Variants in ATRN observed in about 807,000 individuals in gnomAD.
ATRN encodes attractin-2.
Under a neutral mutation model 178.7 loss-of-function variants are expected in ATRN, and 54 were observed. The ratio of observed to expected loss-of-function variants is 0.30; its 90% CI spans 0.24 to 0.38. The LOEUF (loss-of-function observed/expected upper bound fraction) is 0.38. Ranked by LOEUF, ATRN falls within the 10% of genes least tolerant of loss-of-function variation. The probability of loss-of-function intolerance (pLI) is 1.00; values close to 1 mark genes in which losing one functional copy is unlikely to be tolerated. For missense variants in ATRN, 1,443 were observed against 1,815.1 expected, an observed-to-expected ratio of 0.79 and a Z score of 3.73; for synonymous variants, 636 against 663.0, an observed-to-expected ratio of 0.96 and a Z score of 0.63.
chr20:3,533,098 G>A (rs952476778), intron 1 of ATRN, among the ~76,000 whole-genome samples: 10 of 152,184 alleles, frequency 6.6e-5, no homozygotes, highest in African/African-American at 2.4e-4. Flanking sequence ...GGCTGCCATG[G>A]GAAGGGCATG....
intron 12 of ATRN, among the ~76,000 whole-genome samples, chr20:3,573,710 C>A (rs1050365051): frequency 6.6e-6 from 1 of 152,074 alleles, no homozygotes; most frequent in African/African-American, 2.4e-5. Flanking sequence ...GAGCACAATG[C>A]GGTACAGTGA....
intron 24 of ATRN, among the ~76,000 whole-genome samples, chr20:3,604,893 G>C (rs939387408): frequency 2.0e-5 from 3 of 152,098 alleles, no homozygotes; most frequent in Admixed American, 2.0e-4. Context: ...GTTCCCAGGG[G>C]GCCAGTGTAC....
intron 28 of ATRN, among the ~76,000 whole-genome samples, chr20:3,644,475 C>T (rs1001908966): frequency 1.8e-4 from 28 of 152,182 alleles, no homozygotes; most frequent in Non-Finnish European, 1.5e-4. Context: ...CCTGGGGGGA[C>T]GTCCCGGGAC....
chr20:3,559,569 T>C (rs1190380589), intron 7 of ATRN, 86 bp downstream of exon 7: 2 of 1,135,334 alleles, frequency 1.8e-6, no homozygotes, highest in Non-Finnish European at 2.6e-6. Context: ...GCTACCTCAG[T>C]GTTGGTTTTT....
Position 3,607,597 on chromosome 20 carries a change from C to T in ATRN, c.3801+3335C>T, listed in dbSNP as rs57372904. 3.3e-3 allele frequency among the ~76,000 whole-genome samples: 499 copies of T among 152,314 alleles called. 1 individual carries two copies. The highest frequency in any genetic ancestry group is 0.011 in the African/African-American group (471 of 41,570). On this transcript the variant is annotated intron_variant, in intron 24 of 28. Coordinates refer to ENST00000262919, the MANE Select transcript of ATRN (RefSeq NM_139321.3). ...ATAATATTTCATTGTATAATATATA[C>T]AACATTTTATTTGTCCATTCATTTG...
At chr20:3,555,302 C>T (rs1366036567) in intron 6 of ATRN, among the ~76,000 whole-genome samples, 1 of 151,796 alleles carries the variant, frequency 6.6e-6, no homozygotes, top group Non-Finnish European at 1.5e-5. Context: ...CGCGCCCGGC[C>T]GACCTGACCT....
rs547787155 is a variant in ATRN, at chr20:3,638,804, T to A, written c.3943-24T>A. On this transcript the variant is annotated intron_variant, in intron 26 of 28. Transcript: ENST00000262919. This position sits in a 1 kb window ranked among gnomAD's most constrained non-coding sequence, Gnocchi z 4.5. ...ACCCCTTCAGTACTCATTCCATTAA[T>A]GGCTTTGCCATATTATTTATCAGCA... The A allele has an allele frequency of 6.2e-7, 1 of 1,607,276 alleles. No homozygotes were observed. The highest frequency in any genetic ancestry group is 1.7e-5 in the Admixed American group (1 of 59,982).
At chr20:3,531,126 TG>T (rs1292492881) in intron 1 of ATRN, among the ~76,000 whole-genome samples, 1 of 152,218 alleles carries the variant, frequency 6.6e-6, no homozygotes, top group African/African-American at 2.4e-5. Flanking sequence ...AATTTTAGGT[TG>T]ATATTCCTGG....
intron 18 of ATRN, among the ~76,000 whole-genome samples, chr20:3,585,505 C>T (rs984995062): frequency 2.6e-5 from 4 of 152,186 alleles, no homozygotes; most frequent in African/African-American, 9.7e-5. Context: ...TTTTTGTCTA[C>T]TAAACTGGAT....
At chr20:3,498,620 C>T (rs2084913374) in intron 1 of ATRN, among the ~76,000 whole-genome samples, 1 of 152,230 alleles carries the variant, frequency 6.6e-6, no homozygotes, top group South Asian at 2.1e-4. Context: ...AGGCCTTTGA[C>T]AAAATTCAAC....
intron 1 of ATRN, among the ~76,000 whole-genome samples, chr20:3,522,064 A>G (rs1372567944): frequency 6.6e-6 from 1 of 152,138 alleles, no homozygotes; most frequent in Non-Finnish European, 1.5e-5. Flanking sequence ...TGCTAGGGTT[A>G]TAGACGTGAG....
chr20:3,630,916 CTT>C (rs368394749), intron 25 of ATRN, among the ~76,000 whole-genome samples: 4 of 43,456 alleles, frequency 9.2e-5, no homozygotes, highest in African/African-American at 3.9e-4. Context: ...ATTTATTTAG[CTT>C]TTTTTTTTTT....
chr20:3,484,909 A>AATTATTATT lies in ATRN; in HGVS notation c.410+13423_410+13431dup, dbSNP rs11470490. Among the ~76,000 whole-genome samples the AATTATTATT allele has an allele frequency of 5.7e-3, 814 of 143,960 alleles. 9 individuals carry two copies. Among genetic ancestry groups the AATTATTATT allele is most frequent in the African/African-American group, 0.013 (518 of 39,168 alleles). The allele number at this position is 143,960 out of a possible 152,430, so 94.4% of individuals were successfully genotyped here. On this transcript the variant is annotated intron_variant, in intron 1 of 28. Coordinates refer to ENST00000262919, the MANE Select transcript of ATRN (RefSeq NM_139321.3). ...TATAGTACCTAGGAATGGATTTTAA[A>AATTATTATT]ATTATTATTATTATTATTATTATTA...
intron 10 of ATRN, among the ~76,000 whole-genome samples, chr20:3,564,183 GC>G (rs2085996306): frequency 6.6e-6 from 1 of 152,164 alleles, no homozygotes; most frequent in African/African-American, 2.4e-5. Flanking sequence ...ATAACTTAAA[GC>G]CCTTAGCCTC....
intron 1 of ATRN, among the ~76,000 whole-genome samples, chr20:3,532,489 C>G (rs778022954): frequency 7.2e-5 from 11 of 152,170 alleles, no homozygotes; most frequent in Non-Finnish European, 1.3e-4. Context: ...TGTAGTACTT[C>G]CAGCTGTAAA....
intron 1 of ATRN, among the ~76,000 whole-genome samples, chr20:3,514,564 C>T (rs969247712): frequency 2.2e-4 from 33 of 152,214 alleles, no homozygotes; most frequent in African/African-American, 5.8e-4. Context: ...CAGTATCATT[C>T]GCAACATTTA....
At chr20:3,571,510 G>A (rs2086122562) in intron 11 of ATRN, among the ~76,000 whole-genome samples, 1 of 150,904 alleles carries the variant, frequency 6.6e-6, no homozygotes, top group Non-Finnish European at 1.5e-5. Context: ...GTGTGTGAGA[G>A]TGCCTTTTGC....
chr20:3,519,006 TA>T (rs577864057), intron 1 of ATRN, among the ~76,000 whole-genome samples: 2,894 of 119,326 alleles, frequency 0.024, 72 homozygotes, highest in Non-Finnish European at 0.037. Context: ...TCCTTATATA[TA>T]AAAAAAAAAA....
At chr20:3,542,801 A>T (rs972365475) in intron 3 of ATRN, among the ~76,000 whole-genome samples, 8 of 130,492 alleles carry the variant, frequency 6.1e-5, no homozygotes, top group African/African-American at 1.4e-4. Flanking sequence ...TAATTTTTGT[A>T]TTTTTTTTTT....
Sources: allele counts gnomAD v4.1 joint callset (sites outside exome capture counted in the v4.1 genomes callset), GRCh38; gene constraint gnomAD v4.1.1; non-coding constraint Gnocchi (gnomAD v3.1); transcripts MANE v1.5; gene names NCBI Gene and HGNC (gene_info 2026-07-23, HGNC 2026-07-21).